The following MYO3B variants were observed in gnomAD, a reference collection of about 807,000 sequenced individuals.
The protein encoded by MYO3B is myosin IIIB.
Under a neutral mutation model 174.6 loss-of-function variants are expected in MYO3B, and 156 were observed. The ratio of observed to expected loss-of-function variants is 0.89; its 90% CI spans 0.78 to 1.02. MYO3B has a LOEUF of 1.02. Ranked by LOEUF, MYO3B falls within the 50% of genes least tolerant of loss-of-function variation. The pLI, the probability that MYO3B is intolerant of heterozygous loss-of-function variation, is 0.00. For synonymous variants in MYO3B, 563 were observed against 569.1 expected, an observed-to-expected ratio of 0.99 and a Z score of 0.15; for missense variants, 1,632 against 1,639.4, an observed-to-expected ratio of 1.00 and a Z score of 0.08.
intron 30 of MYO3B, among the ~76,000 whole-genome samples, chr2:170,538,744 G>A (rs901522648): frequency 3.3e-5 from 5 of 152,204 alleles, no homozygotes; most frequent in African/African-American, 1.2e-4. Context: ...TGACTTCAGC[G>A]AAGCGGTCGA....
chr2:170,367,081 T>C (rs1238703009), intron 8 of MYO3B, among the ~76,000 whole-genome samples: 1 of 152,164 alleles, frequency 6.6e-6, no homozygotes, highest in Non-Finnish European at 1.5e-5. Context: ...TTTTTGTGAA[T>C]TGCCTCCTTC....
chr2:170,218,869 A>G (rs2092859945), intron 6 of MYO3B, among the ~76,000 whole-genome samples: 1 of 152,244 alleles, frequency 6.6e-6, no homozygotes, highest in South Asian at 2.1e-4. Context: ...TGTGAATCCC[A>G]CTTTGAGAAG....
At chr2:170,601,941 C>T in intron 32 of MYO3B, 1 of 830,668 alleles carries the variant, frequency 1.2e-6, no homozygotes, top group East Asian at 2.4e-5. Flanking sequence ...AAGGAGGCCT[C>T]TTGGGTGCAT....
At chr2:170,499,562 T>C in intron 26 of MYO3B, 84 bp from the exon 27 acceptor site, 1 of 1,254,540 alleles carries the variant, frequency 8.0e-7, no homozygotes, top group South Asian at 1.4e-5. Flanking sequence ...ATTGTTTTAA[T>C]ATTTTCATTT....
chr2:170,573,638 A>G (rs1391231894), intron 32 of MYO3B, among the ~76,000 whole-genome samples: 3 of 152,190 alleles, frequency 2.0e-5, no homozygotes, highest in African/African-American at 7.2e-5. Context: ...ACCATTATTA[A>G]ATAAGCTCTA....
chr2:170,243,597 G>A (rs191658395), intron 7 of MYO3B, among the ~76,000 whole-genome samples: 1 of 152,288 alleles, frequency 6.6e-6, no homozygotes, highest in Non-Finnish European at 1.5e-5. Flanking sequence ...ACCTCATAGA[G>A]CTATTGTGGG....
intron 15 of MYO3B, among the ~76,000 whole-genome samples, chr2:170,392,091 C>G (rs976671353): frequency 4.1e-5 from 6 of 144,872 alleles, no homozygotes; most frequent in African/African-American, 1.3e-4. Context: ...CCACTGCGCT[C>G]CAGCCTGGGT....
At chr2:170,575,576 A>G (rs1692735142) in intron 32 of MYO3B, among the ~76,000 whole-genome samples, 1 of 152,158 alleles carries the variant, frequency 6.6e-6, no homozygotes, top group African/African-American at 2.4e-5. Context: ...TTTTCTAACC[A>G]TTTAAAAATG....
intron 6 of MYO3B, among the ~76,000 whole-genome samples, chr2:170,224,977 G>C (rs1031407238): frequency 1.3e-5 from 2 of 152,164 alleles, no homozygotes; most frequent in Non-Finnish European, 2.9e-5. Flanking sequence ...ATTTCCTTTG[G>C]CATTGCCAGG....
chr2:170,324,449 A>C (rs952406538), intron 7 of MYO3B, among the ~76,000 whole-genome samples: 6 of 152,142 alleles, frequency 3.9e-5, no homozygotes, highest in Non-Finnish European at 5.9e-5. Flanking sequence ...GGGTTTCTAT[A>C]ATCTCTTCTT....
At chr2:170,442,730 C>T (rs1301323627) in intron 22 of MYO3B, among the ~76,000 whole-genome samples, 8 of 152,096 alleles carry the variant, frequency 5.3e-5, no homozygotes. Flanking sequence ...TGAATTCCCA[C>T]CTATGAGTGA....
intron 22 of MYO3B, among the ~76,000 whole-genome samples, chr2:170,432,678 A>G (rs898575462): frequency 4.0e-5 from 6 of 151,268 alleles, no homozygotes; most frequent in Non-Finnish European, 5.9e-5. Flanking sequence ...CCGGGTTCGC[A>G]CCATTCTCCT....
At chr2:170,539,269 G>T (rs1220242570) in intron 30 of MYO3B, among the ~76,000 whole-genome samples, 1 of 152,164 alleles carries the variant, frequency 6.6e-6, no homozygotes, top group East Asian at 1.9e-4. Flanking sequence ...TATCCAGCTT[G>T]TCCCTCTATG....
chr2:170,292,710 T>A (rs888836591), intron 7 of MYO3B, among the ~76,000 whole-genome samples: 1 of 152,080 alleles, frequency 6.6e-6, no homozygotes, highest in African/African-American at 2.4e-5. Context: ...ATCCAACCAG[T>A]GTGGGAAGGC....
intron 1 of MYO3B, among the ~76,000 whole-genome samples, chr2:170,186,244 T>G (rs1032241296): frequency 2.6e-5 from 4 of 152,094 alleles, no homozygotes; most frequent in Admixed American, 6.6e-5. Context: ...GTTTCCCCAT[T>G]CAGTATGTGG....
intron 30 of MYO3B, among the ~76,000 whole-genome samples, chr2:170,520,216 C>G (rs887478243): frequency 6.6e-6 from 1 of 152,008 alleles, no homozygotes; most frequent in African/African-American, 2.4e-5. Context: ...TGTGATGCTG[C>G]TAAACCTCCT....
chr2:170,539,635 T>C (rs778437258), intron 30 of MYO3B, among the ~76,000 whole-genome samples: 1,948 of 152,008 alleles, frequency 0.013, 15 homozygotes, highest in Non-Finnish European at 0.021. Flanking sequence ...TTTTTTTTTT[T>C]TGAGATAGGG....
chr2:170,466,817 A>G (rs1190984218), intron 25 of MYO3B, 106 bp downstream of exon 25: 6 of 1,173,674 alleles, frequency 5.1e-6, no homozygotes, highest in East Asian at 4.9e-5. Flanking sequence ...CAAACATGTA[A>G]TTGGCTAGTT....
At chr2:170,375,901 C>A (rs1407489770) in intron 9 of MYO3B, among the ~76,000 whole-genome samples, 1 of 152,092 alleles carries the variant, frequency 6.6e-6, no homozygotes, top group Non-Finnish European at 1.5e-5. Flanking sequence ...CTATACCTTG[C>A]TATAATTAGT....
Sources: allele counts gnomAD v4.1 joint callset (sites outside exome capture counted in the v4.1 genomes callset), GRCh38; gene constraint gnomAD v4.1.1; transcripts MANE v1.5; gene names NCBI Gene and HGNC (gene_info 2026-07-23, HGNC 2026-07-21).